FANCC: variants seen among roughly 807,000 people sequenced by gnomAD.
FANCC encodes the protein Fanconi anemia group C protein.
FANCC carries 55 observed loss-of-function variants against 71.3 expected under a neutral mutation model. The ratio of observed to expected loss-of-function variants is 0.77; its 90% CI spans 0.62 to 0.97. The LOEUF (loss-of-function observed/expected upper bound fraction) is 0.97, where lower values mean the gene tolerates loss of function less well. Ranked by LOEUF, FANCC falls within the 50% of genes least tolerant of loss-of-function variation. FANCC has a pLI of 0.00. For synonymous variants in FANCC, 275 were observed against 244.9 expected (o/e 1.12, Z -1.15); for missense variants, 678 against 670.9 (o/e 1.01, Z -0.12).
chr9:95,186,155 C>A (rs1379090419), intron 4 of FANCC, among the ~76,000 whole-genome samples: 1 of 152,194 alleles, frequency 6.6e-6, no homozygotes, highest in East Asian at 1.9e-4. Flanking sequence ...GCTTCTCCAA[C>A]AGGAGCACAA....
intron 4 of FANCC, among the ~76,000 whole-genome samples, chr9:95,208,533 T>C (rs1828293836): frequency 1.3e-5 from 2 of 152,284 alleles, no homozygotes; most frequent in African/African-American, 4.8e-5. Flanking sequence ...TATAAAGAAC[T>C]GTTAAAACTT....
At chr9:95,276,223 T>C (rs1833032280) in intron 1 of FANCC, among the ~76,000 whole-genome samples, 1 of 152,168 alleles carries the variant, frequency 6.6e-6, no homozygotes. Context: ...CAACTAACAG[T>C]TTCATATGGG....
intron 4 of FANCC, among the ~76,000 whole-genome samples, chr9:95,213,120 A>G (rs530309399): frequency 6.6e-6 from 1 of 152,292 alleles, no homozygotes; most frequent in Non-Finnish European, 1.5e-5. Flanking sequence ...TTTTCATTAT[A>G]CTGGGTTAAA....
intron 6 of FANCC, among the ~76,000 whole-genome samples, chr9:95,153,356 G>A (rs1279398140): frequency 1.3e-5 from 2 of 151,916 alleles, no homozygotes; most frequent in Non-Finnish European, 2.9e-5. Flanking sequence ...TTTTCCTTTG[G>A]GTAGATAGCC....
intron 1 of FANCC, among the ~76,000 whole-genome samples, chr9:95,314,802 T>C (rs1217926926): frequency 1.3e-5 from 2 of 152,130 alleles, no homozygotes; most frequent in Non-Finnish European, 2.9e-5. Flanking sequence ...AATTACTAAA[T>C]ACTGCTAAGA....
chr9:95,135,222 G>C, intron 8 of FANCC, 124 bp downstream of exon 8: 1 of 945,380 alleles, frequency 1.1e-6, no homozygotes, highest in Non-Finnish European at 1.7e-6. Flanking sequence ...GTAAATACAC[G>C]ATTATATATA....
intron 1 of FANCC, among the ~76,000 whole-genome samples, chr9:95,299,217 C>T (rs1009646440): frequency 3.9e-5 from 6 of 152,146 alleles, no homozygotes; most frequent in Non-Finnish European, 8.8e-5. Flanking sequence ...CTTTTAACTG[C>T]ACAATATCAA....
At chr9:95,111,089 G>C in intron 13 of FANCC, 1 of 1,516,728 alleles carries the variant, frequency 6.6e-7, no homozygotes, top group Non-Finnish European at 8.8e-7. Context: ...GGCCCTGGCT[G>C]TGGCCAGGCT....
chr9:95,110,883 C>T (rs1264824705), intron 13 of FANCC: 2 of 1,229,864 alleles, frequency 1.6e-6, no homozygotes, highest in Non-Finnish European at 2.0e-6. Flanking sequence ...GACAGTTATC[C>T]AGTCCCATAC....
At chr9:95,209,140 A>G (rs1409561470) in intron 4 of FANCC, among the ~76,000 whole-genome samples, 4 of 152,228 alleles carry the variant, frequency 2.6e-5, no homozygotes, top group African/African-American at 9.6e-5. Flanking sequence ...TGGCTAGATA[A>G]TCTATGATTC....
chr9:95,202,014 G>A (rs1318949476), intron 4 of FANCC, among the ~76,000 whole-genome samples: 1 of 152,168 alleles, frequency 6.6e-6, no homozygotes, highest in African/African-American at 2.4e-5. Context: ...TAAGGCAGAT[G>A]GTTCTTGACA....
intron 6 of FANCC, among the ~76,000 whole-genome samples, chr9:95,169,425 T>C (rs1428114277): frequency 6.6e-6 from 1 of 152,194 alleles, no homozygotes; most frequent in Non-Finnish European, 1.5e-5. Flanking sequence ...ATATATTCCC[T>C]ATAGATAAGG....
chr9:95,215,423 GAAAGAAC>G (rs1267437301), intron 4 of FANCC, among the ~76,000 whole-genome samples: 2 of 152,104 alleles, frequency 1.3e-5, no homozygotes, highest in African/African-American at 2.4e-5. Flanking sequence ...GAAAGAGGAG[GAAAGAAC>G]AAAGAACAGA....
intron 14 of FANCC, among the ~76,000 whole-genome samples, chr9:95,102,250 C>T (rs781601931): frequency 7.2e-5 from 11 of 152,170 alleles, no homozygotes; most frequent in Non-Finnish European, 1.0e-4. Flanking sequence ...AAGGCTCACA[C>T]GAACATGAGA....
At chr9:95,305,033 CCTCT>C (rs1459395294) in intron 1 of FANCC, among the ~76,000 whole-genome samples, 2 of 152,250 alleles carry the variant, frequency 1.3e-5, no homozygotes, top group South Asian at 4.1e-4. Context: ...ATAAATGCTG[CCTCT>C]CTAATAGAGC....
intron 4 of FANCC, among the ~76,000 whole-genome samples, chr9:95,199,056 T>C (rs1827639037): frequency 6.6e-6 from 1 of 152,132 alleles, no homozygotes; most frequent in Non-Finnish European, 1.5e-5. Context: ...GTAAAGGCAA[T>C]ATATGAATTT....
In FANCC at chr9:95,171,060, T is replaced by C; in HGVS notation, c.521+19A>G. ...ACATTTTGAAACCTGAGAAGAAGGATGTTTAGTTTAACACCTACCGCCTTT... is the reference window on the plus strand; with the variant it reads ...ACATTTTGAAACCTGAGAAGAAGGACGTTTAGTTTAACACCTACCGCCTTT... On this transcript the variant is annotated intron_variant, in intron 6 of 14. Transcript: ENST00000289081. 1 of 1,595,290 alleles carries C rather than the reference T, an allele frequency of 6.3e-7. No individual in the cohort carries two copies. Among genetic ancestry groups the C allele is most frequent in the Non-Finnish European group, 8.6e-7 (1 of 1,163,128 alleles).
Position 95,101,635 on chromosome 9 carries a change from G to A in FANCC, c.*72C>T, listed in dbSNP as rs2071077234. 6.3e-7 allele frequency: 1 copy of A among 1,595,728 alleles called. No homozygotes were observed. The highest frequency in any genetic ancestry group is 8.5e-7 in the Non-Finnish European group (1 of 1,169,964). On this transcript the variant is annotated 3_prime_UTR_variant, in exon 15 of 15. Coordinates refer to ENST00000289081, the MANE Select transcript of FANCC (RefSeq NM_000136.3). ...CTTACTCCACAAATGCGTGGCCACAGGTCATCACCTGTCCTGTGGCCCTGG... is the reference window on the plus strand; with the variant it reads ...CTTACTCCACAAATGCGTGGCCACAAGTCATCACCTGTCCTGTGGCCCTGG...
At chr9:95,108,085 C>G (rs1177559784) in intron 13 of FANCC, among the ~76,000 whole-genome samples, 1 of 152,198 alleles carries the variant, frequency 6.6e-6, no homozygotes, top group Non-Finnish European at 1.5e-5. Context: ...TGAAAGAATA[C>G]TTAGGCCTAT....
Sources: gnomAD v4.1 joint callset for allele counts (sites outside exome capture counted in the v4.1 genomes callset) on GRCh38, gnomAD v4.1.1 for gene constraint, MANE v1.5 for transcripts, NCBI Gene and HGNC (gene_info 2026-07-23, HGNC 2026-07-21) for gene names.